The following EFHC1 variants were observed in gnomAD, a reference collection of about 807,000 sequenced individuals.
EFHC1 encodes the protein EF-hand domain containing 1.
A neutral mutation model predicts 69.9 loss-of-function variants in EFHC1; 53 were observed. That is an observed-to-expected ratio of 0.76 (90% CI 0.61 to 0.95). The LOEUF (loss-of-function observed/expected upper bound fraction) is 0.95, where lower values mean the gene tolerates loss of function less well. EFHC1 is among the 40% of genes least tolerant of loss of function. The pLI is 0.00. For synonymous variants in EFHC1, 256 were observed against 278.4 expected (o/e 0.92, Z 0.80); for missense variants, 739 against 798.7 (o/e 0.93, Z 0.90).
At chr6:52,487,915 G>A (rs548142489) in intron 9 of EFHC1, 50 of 152,400 alleles carry the variant, frequency 3.3e-4, no homozygotes, top group African/African-American at 1.1e-3. Context: ...CTCTTTTCCA[G>A]AGTGTGCCCT....
At chr6:52,461,179 C>G (rs1765157498) in intron 5 of EFHC1, among the ~76,000 whole-genome samples, 1 of 152,090 alleles carries the variant, frequency 6.6e-6, no homozygotes, top group Non-Finnish European at 1.5e-5. Context: ...GGTATTAAGC[C>G]TAACACCCAT....
intron 7 of EFHC1, among the ~76,000 whole-genome samples, chr6:52,475,024 G>GTTTTTT (rs1765516876): frequency 6.7e-6 from 1 of 148,246 alleles, no homozygotes; most frequent in Non-Finnish European, 1.5e-5. Context: ...TTTTTTTGCA[G>GTTTTTT]TTTTCTCTCT....
At chr6:52,436,349 C>T (rs1284016895) in intron 2 of EFHC1, among the ~76,000 whole-genome samples, 1 of 151,848 alleles carries the variant, frequency 6.6e-6, no homozygotes, top group Non-Finnish European at 1.5e-5. Flanking sequence ...TGGTTTTTAT[C>T]TTGTTTTTCC....
intron 3 of EFHC1, among the ~76,000 whole-genome samples, chr6:52,439,314 ATACCTAG>A (rs758031534): frequency 1.3e-5 from 2 of 152,164 alleles, no homozygotes; most frequent in African/African-American, 2.4e-5. Context: ...CTATTCCAGG[ATACCTAG>A]TGCCATATGT....
chr6:52,462,091 A>AAT (rs1467957250), intron 5 of EFHC1, among the ~76,000 whole-genome samples: 1 of 151,944 alleles, frequency 6.6e-6, no homozygotes, highest in Non-Finnish European at 1.5e-5. Flanking sequence ...TTATTCATTT[A>AAT]ATATATATAT....
At chr6:52,439,971 C>T (rs1764623970) in intron 3 of EFHC1, among the ~76,000 whole-genome samples, 1 of 152,058 alleles carries the variant, frequency 6.6e-6, no homozygotes, top group African/African-American at 2.4e-5. Flanking sequence ...ATTATTTTTA[C>T]AGTTGTGTTT....
At chr6:52,483,716 C>G (rs532857264) in intron 9 of EFHC1, 3 of 152,300 alleles carry the variant, frequency 2.0e-5, no homozygotes, top group South Asian at 4.1e-4. Flanking sequence ...TTAGCTAGTC[C>G]TCAATTTGGC....
intron 7 of EFHC1, among the ~76,000 whole-genome samples, chr6:52,473,166 T>G (rs1765474489): frequency 6.6e-6 from 1 of 152,096 alleles, no homozygotes; most frequent in Admixed American, 6.5e-5. Context: ...GTAATTAAAA[T>G]AACATGTTAT....
intron 9 of EFHC1, among the ~76,000 whole-genome samples, chr6:52,481,197 G>A (rs1367858659): frequency 6.6e-6 from 1 of 152,084 alleles, no homozygotes; most frequent in African/African-American, 2.4e-5. Flanking sequence ...ATTTTCTAGG[G>A]GATGTGAGGG....
Position 52,422,375 on chromosome 6 carries a change from T to C in EFHC1, c.64-1571T>C, listed in dbSNP as rs866028988. On this transcript the variant is annotated intron_variant, in intron 1 of 10. Coordinates refer to ENST00000371068, the MANE Select transcript of EFHC1 (RefSeq NM_018100.4). Reference sequence around the variant, plus strand: ...TCAACTCAGCGCATTTTGTTCTATGTCATGTTTACTATATACCTGGAGCAG... The same window carrying C: ...TCAACTCAGCGCATTTTGTTCTATGCCATGTTTACTATATACCTGGAGCAG... 2.4e-4 allele frequency among the ~76,000 whole-genome samples: 36 copies of C among 152,238 alleles called. 1 individual carries two copies. The highest frequency in any genetic ancestry group is 8.0e-4 in the African/African-American group (33 of 41,460).
Position 52,438,358 on chromosome 6 carries a change from C to A in EFHC1, c.340C>A (p.Gln114Lys), listed in dbSNP as rs1484857209. 6.2e-7 allele frequency: 1 copy of A among 1,613,656 alleles called. No homozygotes were observed. Among genetic ancestry groups the A allele is most frequent in the Non-Finnish European group, 8.5e-7 (1 of 1,179,904 alleles). Reference protein sequence around the residue: ...QEDVPMSTEEQYRIRQVNIYY... With the variant: ...QEDVPMSTEEKYRIRQVNIYY... ...AGATGTTCCTATGTCAACTGAGGAA[C>A]AGTATAGGATCCGTCAGGTGAACAT... Residue 114 changes from glutamine (Q) to lysine (K), a missense_variant, in exon 3 of 11, where the codon CAG (glutamine) becomes AAG (lysine). Transcript: ENST00000371068.
chr6:52,478,341 G>A lies in EFHC1; in HGVS notation c.1279-696G>A, dbSNP rs1467450251. On this transcript the variant is annotated intron_variant, in intron 7 of 10. Transcript: ENST00000371068. ...CCTAATGCTAGATGACGAGTTAGTGGGTGCAGTGCACCAGCATGGCACATG... is the reference window on the plus strand; with the variant it reads ...CCTAATGCTAGATGACGAGTTAGTGAGTGCAGTGCACCAGCATGGCACATG... 3.3e-5 allele frequency among the ~76,000 whole-genome samples: 5 copies of A among 152,056 alleles called. No individual in the cohort carries two copies. In the East Asian group the frequency reaches 7.7e-4, roughly 23 times the overall value.
At chr6:52,426,878 C>A (rs888913155) in intron 2 of EFHC1, among the ~76,000 whole-genome samples, 1 of 152,184 alleles carries the variant, frequency 6.6e-6, no homozygotes, top group Non-Finnish European at 1.5e-5. Flanking sequence ...TAGTCTCATT[C>A]CTAGTCCTTA....
At chr6:52,471,219 C>A (rs1308044303) in intron 7 of EFHC1, among the ~76,000 whole-genome samples, 3 of 152,216 alleles carry the variant, frequency 2.0e-5, no homozygotes, top group Non-Finnish European at 4.4e-5. Flanking sequence ...AAGGCAGAAG[C>A]TCCTGGGAAA....
chr6:52,423,581 A>G, intron 1 of EFHC1: 1 of 486,048 alleles, frequency 2.1e-6, no homozygotes, highest in Admixed American at 3.9e-5. Flanking sequence ...AGCTTATTGC[A>G]GCTTGGACCT....
rs139655962 is a variant in EFHC1, at chr6:52,441,467, G to T, written c.573+2876G>T. On this transcript the variant is annotated intron_variant, in intron 3 of 10. Transcript: ENST00000371068. ...TTCTATTCCATTGGTCTATGTGTCT[G>T]TTTTTGTACCAGTACTGTACTGTTT... Among the ~76,000 whole-genome samples, 845 of 152,188 alleles carry T rather than the reference G, an allele frequency of 5.6e-3. 8 individuals are homozygous for T. Among genetic ancestry groups the T allele is most frequent in the African/African-American group, 0.019 (795 of 41,544 alleles).
At chr6:52,446,473 C>T (rs898777159) in intron 3 of EFHC1, among the ~76,000 whole-genome samples, 2 of 152,226 alleles carry the variant, frequency 1.3e-5, no homozygotes, top group African/African-American at 4.8e-5. Context: ...TCAGATGGGT[C>T]TCCTGAATAC....
rs115299520 is a variant in EFHC1 at position 52,439,601 on chromosome 6, G to T, written c.573+1010G>T. ...TAAGCAATAGCAAATAAATAGATTG[G>T]TTATATGTCAGATGATGATAACAGC... On this transcript the variant is annotated intron_variant, in intron 3 of 10. Coordinates refer to ENST00000371068, the MANE Select transcript of EFHC1 (RefSeq NM_018100.4). 5.5e-3 allele frequency among the ~76,000 whole-genome samples: 844 copies of T among 152,236 alleles called. 8 individuals are homozygous for T. Among genetic ancestry groups the T allele is most frequent in the African/African-American group, 0.019 (795 of 41,570 alleles).
chr6:52,469,160 C>G (rs1217925365), intron 6 of EFHC1, 173 bp from the exon 7 acceptor site: 3 of 796,194 alleles, frequency 3.8e-6, no homozygotes, highest in Non-Finnish European at 5.8e-6. Flanking sequence ...ATGCAAAATC[C>G]ACAGAGGAAG....
Sources: allele counts gnomAD v4.1 joint callset (sites outside exome capture counted in the v4.1 genomes callset), GRCh38; gene constraint gnomAD v4.1.1; transcripts MANE v1.5; gene names NCBI Gene and HGNC (gene_info 2026-07-23, HGNC 2026-07-21).